The following TRAK1 variants were observed in gnomAD, a reference collection of about 807,000 sequenced individuals.
The protein encoded by TRAK1 is trafficking kinesin-binding protein 1.
A neutral mutation model predicts 92.1 loss-of-function variants in TRAK1; 33 were observed. That is an observed-to-expected ratio of 0.36 (90% CI 0.27 to 0.48). The LOEUF is 0.48. Ranked by LOEUF, TRAK1 falls within the 20% of genes least tolerant of loss-of-function variation. The pLI, the probability that TRAK1 is intolerant of heterozygous loss-of-function variation, is 0.99. For synonymous variants in TRAK1, 521 were observed against 517.3 expected (o/e 1.01, Z -0.10); for missense variants, 1,123 against 1,257.9 (o/e 0.89, Z 1.62).
At chr3:42,138,369 T>TC (rs1255663124) in intron 2 of TRAK1, among the ~76,000 whole-genome samples, 2 of 152,142 alleles carry the variant, frequency 1.3e-5, no homozygotes, top group African/African-American at 4.8e-5. Flanking sequence ...AATATCCTCT[T>TC]CCCAGGGCGT....
At chr3:42,142,098 C>T (rs142246165) in intron 2 of TRAK1, among the ~76,000 whole-genome samples, 1 of 152,274 alleles carries the variant, frequency 6.6e-6, no homozygotes, top group East Asian at 1.9e-4. Context: ...CGCCACTGCA[C>T]TCCAGCCTGG....
intron 12 of TRAK1, among the ~76,000 whole-genome samples, chr3:42,201,853 TGGACGGAC>T (rs10531282): frequency 4.7e-5 from 6 of 128,004 alleles, no homozygotes; most frequent in South Asian, 2.6e-4. Context: ...CTGCAGAACC[TGGACGGAC>T]GGACGGACGG....
At chr3:42,047,683 A>G (rs929534785) in intron 1 of TRAK1, among the ~76,000 whole-genome samples, 1 of 152,166 alleles carries the variant, frequency 6.6e-6, no homozygotes, top group African/African-American at 2.4e-5. Flanking sequence ...TAAAATAATG[A>G]CTATTTTTGT....
intron 5 of TRAK1, 21 bp from the exon 6 acceptor site, chr3:42,188,995 T>C (rs372714056): frequency 2.6e-6 from 4 of 1,565,008 alleles, no homozygotes; most frequent in Non-Finnish European, 3.5e-6. Flanking sequence ...CCCTAGGTTG[T>C]GAGCGTACTT....
chr3:42,138,124 G>GTGCT (rs1698178466), intron 2 of TRAK1, among the ~76,000 whole-genome samples: 1 of 152,132 alleles, frequency 6.6e-6, no homozygotes, highest in African/African-American at 2.4e-5. Flanking sequence ...TCAAATGCAA[G>GTGCT]TGCTGTTAAA....
intron 1 of TRAK1, among the ~76,000 whole-genome samples, chr3:42,014,493 G>A: frequency 6.6e-6 from 1 of 152,210 alleles, no homozygotes. Context: ...AGAGCCTTTA[G>A]AGCCCTCCTT....
At chr3:42,089,336 GCCTCTTACTGCTACC>G (rs1480265787), upstream of TRAK1, among the ~76,000 whole-genome samples, 1 of 152,078 alleles carries the variant, frequency 6.6e-6, no homozygotes, top group Non-Finnish European at 1.5e-5. Context: ...TTCCAGTGGG[GCCTCTTACTGCTACC>G]CTTGCCTCCC....
intron 1 of TRAK1, among the ~76,000 whole-genome samples, chr3:42,035,175 A>G (rs1057381467): frequency 2.6e-5 from 4 of 152,192 alleles, no homozygotes; most frequent in Non-Finnish European, 4.4e-5. Flanking sequence ...ATCATGGTCT[A>G]TAATACCCTC....
At chr3:42,026,418 G>A (rs1701917595) in intron 1 of TRAK1, among the ~76,000 whole-genome samples, 1 of 152,042 alleles carries the variant, frequency 6.6e-6, no homozygotes, top group Admixed American at 6.6e-5. Flanking sequence ...AAGCTAGCCA[G>A]GGCACCGATT....
chr3:42,134,915 C>CCAGGCTGGAGTG (rs1210730354), intron 2 of TRAK1, among the ~76,000 whole-genome samples: 2 of 151,818 alleles, frequency 1.3e-5, no homozygotes, highest in Non-Finnish European at 2.9e-5. Flanking sequence ...GCTCTGTCAC[C>CCAGGCTGGAGTG]CAGGCTGGAG....
At chr3:42,085,428 C>T (rs1048420049), upstream of TRAK1, among the ~76,000 whole-genome samples, 1 of 152,162 alleles carries the variant, frequency 6.6e-6, no homozygotes, top group African/African-American at 2.4e-5. Context: ...CTTGGCCTCC[C>T]AAAGTGCTGG....
chr3:42,192,525 A>G (rs139308160), intron 7 of TRAK1, among the ~76,000 whole-genome samples: 12 of 134,358 alleles, frequency 8.9e-5, no homozygotes, highest in African/African-American at 2.8e-4. Context: ...TCAAAGTACT[A>G]AGTATTTTGC....
intron 1 of TRAK1, among the ~76,000 whole-genome samples, chr3:42,031,183 G>A (rs200851414): frequency 6.6e-6 from 1 of 150,692 alleles, no homozygotes; most frequent in Non-Finnish European, 1.5e-5. Context: ...TTACAGGCAT[G>A]TGCCACCATG....
chr3:42,096,687 T>C (rs1004869262), intron 1 of TRAK1, among the ~76,000 whole-genome samples: 2 of 152,236 alleles, frequency 1.3e-5, no homozygotes, highest in African/African-American at 4.8e-5. Flanking sequence ...AATGAGCAAT[T>C]AGGCCCTGCC....
intron 1 of TRAK1, among the ~76,000 whole-genome samples, chr3:42,027,267 T>TA (rs1701955751): frequency 6.6e-6 from 1 of 152,202 alleles, no homozygotes; most frequent in African/African-American, 2.4e-5. Flanking sequence ...CTCACGCCTG[T>TA]AATCCCAGCA....
intron 2 of TRAK1, among the ~76,000 whole-genome samples, chr3:42,160,987 G>A (rs565133363): frequency 7.5e-4 from 114 of 152,224 alleles, no homozygotes; most frequent in African/African-American, 2.5e-3. Context: ...ATTAAATGAA[G>A]CATGTTTTTG....
intron 2 of TRAK1, among the ~76,000 whole-genome samples, chr3:42,144,869 A>C (rs1205626907): frequency 6.6e-6 from 1 of 152,210 alleles, no homozygotes; most frequent in Non-Finnish European, 1.5e-5. Context: ...AGTGAAAGCT[A>C]ATCTTTTATA....
At chr3:42,213,207 G>A (rs967593267) in intron 14 of TRAK1, among the ~76,000 whole-genome samples, 24 of 152,026 alleles carry the variant, frequency 1.6e-4, no homozygotes, top group Admixed American at 1.4e-3. Context: ...ATAGGCACAC[G>A]TCACCATTCC....
chr3:42,215,086 A>G lies in TRAK1; in HGVS notation c.1964-4408A>G, dbSNP rs192046613. Among the ~76,000 whole-genome samples, 149 of 152,316 alleles carry G rather than the reference A, an allele frequency of 9.8e-4. 1 individual carries two copies. In the Middle Eastern group the frequency reaches 0.02, roughly 21 times the overall value. On this transcript the variant is annotated intron_variant, in intron 14 of 15. Coordinates refer to ENST00000327628, the MANE Select transcript of TRAK1 (RefSeq NM_001042646.3). ...TTAATGATGACTCGTAGGGCAAACT[A>G]TTTATGCAGCTTTTCCCACGTGAAC...
Sources: gnomAD v4.1 joint callset for allele counts (sites outside exome capture counted in the v4.1 genomes callset) on GRCh38, gnomAD v4.1.1 for gene constraint, MANE v1.5 for transcripts, NCBI Gene and HGNC (gene_info 2026-07-23, HGNC 2026-07-21) for gene names.